Variants in FLNB observed in about 807,000 individuals in gnomAD.
FLNB encodes the protein filamin-B.
FLNB carries 111 observed loss-of-function variants against 250.6 expected under a neutral mutation model. The observed-to-expected ratio is 0.44, with a 90% confidence interval of 0.38 to 0.52. The LOEUF is 0.52. Among genes scored for constraint, FLNB ranks in the 20% least tolerant of loss-of-function variants. The pLI, the probability that FLNB is intolerant of heterozygous loss-of-function variation, is 0.00. For synonymous variants in FLNB, 1,302 were observed against 1,372.1 expected, an observed-to-expected ratio of 0.95 and a Z score of 1.13; for missense variants, 2,869 against 3,447.8, an observed-to-expected ratio of 0.83 and a Z score of 4.20.
At chr3:58,156,201 A>C (rs2097353128) in intron 41 of FLNB, 126 bp downstream of exon 41, 2 of 722,072 alleles carry the variant, frequency 2.8e-6, no homozygotes, top group Non-Finnish European at 4.9e-6. Context: ...CACAGATGTC[A>C]CCCAGTCACT....
In FLNB at chr3:58,008,822, C is replaced by T; in HGVS notation, c.258C>T (p.Phe86=). The T allele has an allele frequency of 6.2e-7, 1 of 1,613,896 alleles. No individual in the cohort carries two copies. Among genetic ancestry groups the T allele is most frequent in the East Asian group, 2.2e-5 (1 of 44,874 alleles). Residue 86 remains phenylalanine (F), a synonymous_variant, in exon 1 of 46, where the codon TTC becomes TTT. Coordinates refer to ENST00000295956, the MANE Select transcript of FLNB (RefSeq NM_001457.4). The part of the protein sequence containing the change: ...QLENVSVALE[F]LDRESIKLVS... Reference sequence around the variant, plus strand: ...AGAATGTGTCCGTGGCGCTCGAGTTCCTGGACCGTGAGAGCATCAAGCTCG... The same window carrying T: ...AGAATGTGTCCGTGGCGCTCGAGTTTCTGGACCGTGAGAGCATCAAGCTCG...
At chr3:58,078,555 A>T (rs1364929091) in intron 2 of FLNB, 162 bp from the exon 3 acceptor site, 1 of 1,533,936 alleles carries the variant, frequency 6.5e-7, no homozygotes, top group Admixed American at 2.0e-5. Context: ...GCACACTCAT[A>T]CCTGTGATAC....
At chr3:58,120,974 G>A (rs1278867926) in intron 19 of FLNB, among the ~76,000 whole-genome samples, 1 of 152,200 alleles carries the variant, frequency 6.6e-6, no homozygotes, top group Non-Finnish European at 1.5e-5. Context: ...TAACCTATTT[G>A]TGCTTGGCAT....
At chr3:58,086,159 CTT>C (rs10706045) in intron 4 of FLNB, among the ~76,000 whole-genome samples, 35 of 141,500 alleles carry the variant, frequency 2.5e-4, no homozygotes, top group East Asian at 6.3e-4. Context: ...CCATGTCCAG[CTT>C]TTTTTTTTTT....
chr3:58,102,469 A>C, intron 9 of FLNB, 129 bp downstream of exon 9: 1 of 1,087,384 alleles, frequency 9.2e-7, no homozygotes, highest in South Asian at 1.3e-5. Flanking sequence ...ATTTGAGGCT[A>C]TCTGGGCTCC....
intron 38 of FLNB, chr3:58,150,449 C>T: frequency 1.7e-6 from 1 of 597,102 alleles, no homozygotes; most frequent in Non-Finnish European, 3.0e-6. Context: ...TTTCCTCTTC[C>T]AAATAAAAAT....
chr3:58,156,097 A>T, intron 41 of FLNB, 22 bp downstream of exon 41: 1 of 1,587,502 alleles, frequency 6.3e-7, no homozygotes, highest in East Asian at 2.2e-5. Flanking sequence ...GGAAGCATCC[A>T]TCTCCTTGGC....
Position 58,171,577 on chromosome 3 carries a change from A to G in FLNB, c.*815A>G, listed in dbSNP as rs920748597. On this transcript the variant is annotated 3_prime_UTR_variant, in exon 46 of 46. Transcript: ENST00000295956. This position sits in a 1 kb window ranked among gnomAD's most constrained non-coding sequence, Gnocchi z 5.5. ...CCAAAGATCCCTTTTAACCAACACT[A>G]GCCCTTGTTTTTAACACACGCTCCA... 1.1e-4 allele frequency: 17 copies of G among 152,260 alleles called. No individual in the cohort carries two copies. The highest frequency in any genetic ancestry group is 3.9e-4 in the African/African-American group (16 of 41,434). 9.4% of individuals were successfully genotyped at this position (152,260 alleles called of 1,614,324 possible).
chr3:58,010,740 AAAACC>A (rs1300087785), intron 1 of FLNB, among the ~76,000 whole-genome samples: 1 of 152,208 alleles, frequency 6.6e-6, no homozygotes, highest in Admixed American at 6.5e-5. Flanking sequence ...AAACAACAAC[AAAACC>A]AAACCAAACC....
At chr3:58,100,373 A>AAAAAAAAATATATATATAT in intron 8 of FLNB, among the ~76,000 whole-genome samples, 3 of 104,386 alleles carry the variant, frequency 2.9e-5, no homozygotes, top group East Asian at 3.4e-4. Flanking sequence ...GTAAAAAAAA[A>AAAAAAAAATATATATATAT]ATATATATAT....
At chr3:58,102,691 C>T (rs544050974) in intron 9 of FLNB, among the ~76,000 whole-genome samples, 1 of 152,184 alleles carries the variant, frequency 6.6e-6, no homozygotes, top group Non-Finnish European at 1.5e-5. Flanking sequence ...GGTCATACAG[C>T]GTTTGTAATC....
chr3:58,065,968 T>C (rs2106901831), intron 1 of FLNB, among the ~76,000 whole-genome samples: 1 of 152,256 alleles, frequency 6.6e-6, no homozygotes, highest in Middle Eastern at 3.4e-3. Context: ...CCAGAGCTCA[T>C]GCTGGGCTTT....
In FLNB at chr3:58,062,181, C is replaced by T. The variant is rs185535827; in HGVS notation, c.293-14865C>T. Among the ~76,000 whole-genome samples the T allele has an allele frequency of 5.3e-5, 8 of 152,262 alleles. No individual in the cohort carries two copies. In the East Asian group the frequency reaches 1.5e-3, roughly 29 times the overall value. Reference sequence around the variant, plus strand: ...CACCATCAGCTTCTTAGTTTTCTTCCTAGAAGGAGCCAGTGAGGACAGTTT... The same window carrying T: ...CACCATCAGCTTCTTAGTTTTCTTCTTAGAAGGAGCCAGTGAGGACAGTTT... On this transcript the variant is annotated intron_variant, in intron 1 of 45. Coordinates refer to ENST00000295956, the MANE Select transcript of FLNB (RefSeq NM_001457.4).
At chr3:58,011,470 G>A (rs1037764785) in intron 1 of FLNB, among the ~76,000 whole-genome samples, 4 of 152,100 alleles carry the variant, frequency 2.6e-5, no homozygotes, top group East Asian at 1.9e-4. Context: ...TTGCTCTCCC[G>A]AGAGATCTTG....
chr3:58,045,046 G>C (rs150694512), intron 1 of FLNB, among the ~76,000 whole-genome samples: 1 of 152,260 alleles, frequency 6.6e-6, no homozygotes, highest in African/African-American at 2.4e-5. Flanking sequence ...CAGAAGATGA[G>C]AAATGAGTTT....
In FLNB at chr3:58,169,523, T is replaced by C. The variant is rs573576214; in HGVS notation, c.7418-67T>C. 4,188 of 1,314,326 alleles carry C rather than the reference T, an allele frequency of 3.2e-3. 12 individuals carry two copies. Among genetic ancestry groups the C allele is most frequent in the Non-Finnish European group, 4.3e-3 (3,917 of 906,738 alleles). 81.4% of individuals were successfully genotyped at this position (1,314,326 alleles called of 1,614,324 possible). A position where few individuals can be genotyped will look rare whatever the true frequency, so the allele number is the denominator to read the frequency against. On this transcript the variant is annotated intron_variant, in intron 44 of 45. Transcript: ENST00000295956. The surrounding 1 kb of genome is among the most constrained non-coding windows in gnomAD (Gnocchi z 4.8). ...GGTTACTGTGTAGGGTACTCGCCTGTCCTCTGGCTGAGAGACCCCTCTTGA... is the reference window on the plus strand; with the variant it reads ...GGTTACTGTGTAGGGTACTCGCCTGCCCTCTGGCTGAGAGACCCCTCTTGA...
chr3:58,010,492 G>A (rs2097097019), intron 1 of FLNB, among the ~76,000 whole-genome samples: 1 of 152,032 alleles, frequency 6.6e-6, no homozygotes, highest in South Asian at 2.1e-4. Context: ...AGAAGAATCT[G>A]CATGGCACGC....
chr3:58,112,408 G>T, intron 18 of FLNB, 90 bp downstream of exon 18: 1 of 1,354,600 alleles, frequency 7.4e-7, no homozygotes, highest in Non-Finnish European at 1.1e-6. Context: ...ACCAAGGGGT[G>T]TGAGAGGTGC....
intron 23 of FLNB, 33 bp downstream of exon 23, chr3:58,125,776 C>G (rs763940459): frequency 1.9e-6 from 3 of 1,608,540 alleles, no homozygotes; most frequent in East Asian, 4.5e-5. Context: ...TGTCTTGAGT[C>G]TCACTTTTGT....
Sources: allele counts gnomAD v4.1 joint callset (sites outside exome capture counted in the v4.1 genomes callset), GRCh38; gene constraint gnomAD v4.1.1; non-coding constraint Gnocchi (gnomAD v3.1); transcripts MANE v1.5; gene names NCBI Gene and HGNC (gene_info 2026-07-23, HGNC 2026-07-21).